Variants in MALRD1 observed in about 807,000 individuals in gnomAD.
MALRD1 encodes MAM and LDL receptor class A domain containing 1, also known as MAM and LDL-receptor class A domain-containing protein 1.
MALRD1 carries 247 observed loss-of-function variants against 242.1 expected under a neutral mutation model. The observed-to-expected ratio is 1.02, with a 90% CI of 0.92 to 1.13. The LOEUF (loss-of-function observed/expected upper bound fraction) is 1.13. Among genes scored for constraint, MALRD1 ranks in the 50% most tolerant of loss-of-function variants. The pLI, the probability that MALRD1 is intolerant of heterozygous loss-of-function variation, is 0.00. For missense variants in MALRD1, 2,989 were observed against 2,533.1 expected (o/e 1.18, Z -3.86); for synonymous variants, 995 against 866.6 (o/e 1.15, Z -2.60).
chr10:19,175,511 C>T (rs994860729), intron 14 of MALRD1, among the ~76,000 whole-genome samples, 183 bp downstream of exon 14: 5 of 141,140 alleles, frequency 3.5e-5, no homozygotes, highest in African/African-American at 1.3e-4. Context: ...TGGTCTAGTC[C>T]TTAGGCCTCT....
chr10:19,290,858 A>G (rs1416349728), intron 21 of MALRD1, among the ~76,000 whole-genome samples: 1 of 152,142 alleles, frequency 6.6e-6, no homozygotes, highest in Non-Finnish European at 1.5e-5. Flanking sequence ...GTCTTGTGTA[A>G]TGATTCCTCT....
chr10:19,444,552 C>A (rs913656742), intron 28 of MALRD1, among the ~76,000 whole-genome samples: 1 of 152,056 alleles, frequency 6.6e-6, no homozygotes, highest in African/African-American at 2.4e-5. Context: ...GATTTTATTT[C>A]TCTTTCACTT....
At chr10:19,728,879 A>T (rs955234199) in intron 38 of MALRD1, among the ~76,000 whole-genome samples, 1 of 152,178 alleles carries the variant, frequency 6.6e-6, no homozygotes, top group Admixed American at 6.5e-5. Flanking sequence ...TTTAACATAG[A>T]CTAGTCTTGA....
chr10:19,572,349 C>T (rs1836598422), intron 33 of MALRD1, among the ~76,000 whole-genome samples: 1 of 152,194 alleles, frequency 6.6e-6, no homozygotes, highest in South Asian at 2.1e-4. Flanking sequence ...AGGATCTCAT[C>T]TGTCTCCATG....
chr10:19,359,530 G>C (rs995172751), intron 26 of MALRD1, among the ~76,000 whole-genome samples: 1 of 152,022 alleles, frequency 6.6e-6, no homozygotes, highest in African/African-American at 2.4e-5. Context: ...TGCACTGTGG[G>C]CCAATACTCC....
rs1838713176 is a variant in MALRD1, at chr10:19,607,876, TC to T, written c.6046del (p.Gln2016SerfsTer12). On this transcript the variant is annotated frameshift_variant, in exon 35 of 40. Transcript: ENST00000454679. LOFTEE classifies it high-confidence loss of function. ...GATGGTTTTGCCGACTGCATGGATT[TC>T]CAGCTTGATGAGTCCAGCTGCTCCG... ...RCDGFADCMD[F>X]QLDESSCSEC... The T allele has an allele frequency of 6.5e-7, 1 of 1,549,686 alleles. No homozygotes were observed. Among genetic ancestry groups the T allele is most frequent in the South Asian group, 1.2e-5 (1 of 84,048 alleles).
intron 21 of MALRD1, among the ~76,000 whole-genome samples, chr10:19,292,111 G>C (rs1036415141): frequency 1.4e-5 from 2 of 144,820 alleles, no homozygotes; most frequent in African/African-American, 2.5e-5. Context: ...AATCAAATTT[G>C]TGTGTCCTAA....
chr10:19,197,797 T>C (rs1836329928), intron 14 of MALRD1, among the ~76,000 whole-genome samples: 1 of 152,238 alleles, frequency 6.6e-6, no homozygotes, highest in Non-Finnish European at 1.5e-5. Context: ...GTGTTTTTAT[T>C]GTTATCTCCA....
chr10:19,184,070 C>CA (rs1258750688), intron 14 of MALRD1, among the ~76,000 whole-genome samples: 1 of 152,184 alleles, frequency 6.6e-6, no homozygotes, highest in East Asian at 1.9e-4. Context: ...CTCTAAGGGA[C>CA]AGGCTGCAGG....
At chr10:19,595,055 T>A in intron 33 of MALRD1, 139 bp from the exon 34 acceptor site, 1 of 833,298 alleles carries the variant, frequency 1.2e-6, no homozygotes, top group Non-Finnish European at 1.8e-6. Flanking sequence ...AGGCATCATA[T>A]TAATCCTAAT....
rs1296664624 is a variant in MALRD1 at position 19,695,555 on chromosome 10, T to G, written c.6314+3001T>G. ...TTTTTTTTGAGATGGAGTCTCACTC[T>G]GTTGCCCAGGCTGGAGTGCAGTGGC... On this transcript the variant is annotated intron_variant, in intron 38 of 39. Coordinates refer to ENST00000454679, the MANE Select transcript of MALRD1 (RefSeq NM_001142308.3). 3.3e-5 allele frequency among the ~76,000 whole-genome samples: 5 copies of G among 150,292 alleles called. No homozygotes were observed. The East Asian group carries it at 9.8e-4, about 29-fold the overall frequency.
intron 38 of MALRD1, 122 bp downstream of exon 38, chr10:19,692,676 G>T: frequency 1.4e-6 from 1 of 691,668 alleles, no homozygotes; most frequent in Non-Finnish European, 2.3e-6. Context: ...GTGTTTTGCT[G>T]CTTTATGGAT....
At chr10:19,381,673 C>CA (rs542568281) in intron 26 of MALRD1, among the ~76,000 whole-genome samples, 4,926 of 118,510 alleles carry the variant, frequency 0.042, 238 homozygotes, top group African/African-American at 0.13. Context: ...ACTAAAAATA[C>CA]AAAAAAAAAA....
chr10:19,371,602 G>A (rs1845382448), intron 26 of MALRD1, among the ~76,000 whole-genome samples: 1 of 151,976 alleles, frequency 6.6e-6, no homozygotes, highest in African/African-American at 2.4e-5. Context: ...TACTTGGTCA[G>A]AATCTATTAT....
intron 36 of MALRD1, among the ~76,000 whole-genome samples, chr10:19,662,003 T>A (rs1403646413): frequency 6.6e-6 from 1 of 152,108 alleles, no homozygotes; most frequent in Non-Finnish European, 1.5e-5. Context: ...AATATATAAA[T>A]GGATTCAATA....
At chr10:19,692,236 T>C in intron 36 of MALRD1, 46 bp from the exon 37 acceptor site, 1 of 1,393,434 alleles carries the variant, frequency 7.2e-7, no homozygotes, top group Non-Finnish European at 9.8e-7. Flanking sequence ...TCAAATATCT[T>C]TTCACTTTTC....
chr10:19,582,176 T>C (rs12217688), intron 33 of MALRD1, among the ~76,000 whole-genome samples: 78,269 of 151,148 alleles, frequency 0.52, 20,358 homozygotes, highest in African/African-American at 0.55. Context: ...GTAGGTTGCC[T>C]GTTCACTCTG....
At chr10:19,445,833 A>C (rs911941097) in intron 28 of MALRD1, among the ~76,000 whole-genome samples, 7 of 152,210 alleles carry the variant, frequency 4.6e-5, no homozygotes, top group African/African-American at 1.7e-4. Context: ...GCTGTCAGAC[A>C]GGGACGTTTA....
At chr10:19,490,751 G>A (rs557379413) in intron 29 of MALRD1, among the ~76,000 whole-genome samples, 2 of 152,292 alleles carry the variant, frequency 1.3e-5, no homozygotes, top group South Asian at 2.1e-4. Flanking sequence ...ATTTCCTGAA[G>A]TCTGCTGCCA....
Sources: allele counts gnomAD v4.1 joint callset (sites outside exome capture counted in the v4.1 genomes callset), GRCh38; gene constraint gnomAD v4.1.1; transcripts MANE v1.5; gene names NCBI Gene and HGNC (gene_info 2026-07-23, HGNC 2026-07-21).